Variants in ADAMTSL2 observed in about 807,000 individuals in gnomAD.
ADAMTSL2 encodes the protein ADAMTS-like protein 2.
Under a neutral mutation model 117.0 loss-of-function variants are expected in ADAMTSL2, and 55 were observed. The observed-to-expected ratio is 0.47, with a 90% confidence interval of 0.38 to 0.59. The LOEUF is 0.59. Ranked by LOEUF, ADAMTSL2 falls within the 20% of genes least tolerant of loss-of-function variation. The pLI is 0.00. For synonymous variants in ADAMTSL2, 572 were observed against 566.4 expected (o/e 1.01, Z -0.14); for missense variants, 1,182 against 1,354.5 (o/e 0.87, Z 2.00).
intron 3 of ADAMTSL2, among the ~76,000 whole-genome samples, chr9:133,537,762 C>A (rs376060316): frequency 6.6e-6 from 1 of 152,298 alleles, no homozygotes; most frequent in African/African-American, 2.4e-5. Flanking sequence ...CTTCAGGGCA[C>A]CAGGAAAGCC....
At chr9:133,551,452 G>A (rs1182994039) in intron 9 of ADAMTSL2, among the ~76,000 whole-genome samples, 3 of 152,132 alleles carry the variant, frequency 2.0e-5, no homozygotes. Flanking sequence ...ACCTTACAAT[G>A]GATTGCTGCT....
intron 1 of ADAMTSL2, among the ~76,000 whole-genome samples, chr9:133,535,360 C>T (rs1830026033): frequency 9.8e-6 from 1 of 101,980 alleles, no homozygotes; most frequent in Non-Finnish European, 1.9e-5. Context: ...AGATGGAGGT[C>T]TGCAGGGGAG....
chr9:133,574,633 C>G lies in ADAMTSL2; in HGVS notation c.2738-113C>G, dbSNP rs950239975. 178 of 861,162 alleles carry G rather than the reference C, an allele frequency of 2.1e-4. 1 individual carries two copies. The highest frequency in any genetic ancestry group is 1.4e-4 in the Admixed American group (8 of 59,020). The allele number at this position is 861,162 out of a possible 1,614,324, so 53.3% of individuals were successfully genotyped here. On this transcript the variant is annotated intron_variant, in intron 18 of 18. Coordinates refer to ENST00000651351, the MANE Select transcript of ADAMTSL2 (RefSeq NM_014694.4). ...CAGAGAGCTAGAGATGGAGACCCAC[C>G]ACGGGGTGGGAGGCCCACTGCCCCT...
chr9:133,538,238 TG>T, intron 3 of ADAMTSL2, 110 bp from the exon 4 acceptor site: 1 of 1,303,452 alleles, frequency 7.7e-7, no homozygotes, highest in Non-Finnish European at 1.1e-6. Context: ...AGGAGCCCTC[TG>T]GGTCACGGGT....
chr9:133,560,812 G>C (rs985777109), intron 11 of ADAMTSL2, among the ~76,000 whole-genome samples: 6 of 152,200 alleles, frequency 3.9e-5, no homozygotes, highest in South Asian at 2.1e-4. Context: ...TCCCCTCCCC[G>C]GTGGGAAGAA....
At chr9:133,544,054 T>C (rs11533161) in intron 7 of ADAMTSL2, among the ~76,000 whole-genome samples, 128,811 of 151,940 alleles carry the variant, frequency 0.85, 55,305 homozygotes, top group Non-Finnish European at 0.92. Flanking sequence ...GCCTTGAAAG[T>C]CAACGTGTTG....
At position 133,568,452 on chromosome 9, in the gene ADAMTSL2, G is replaced by T. The variant is rs1831027487; in HGVS notation, c.2054G>T (p.Cys685Phe). The change falls in exon 14 of 19, where the codon TGC becomes TTC. Residue 685 changes from cysteine (C) to phenylalanine (F), a missense_variant. Coordinates refer to ENST00000651351, the MANE Select transcript of ADAMTSL2 (RefSeq NM_014694.4). ...EERKTCRNPA[C>F]GPQWEMSEWS... ...CGCAAGACCTGCCGGAACCCCGCCTGCGGGCCCCAGTGGGAGATGTCGGAG... is the reference window on the plus strand; with the variant it reads ...CGCAAGACCTGCCGGAACCCCGCCTTCGGGCCCCAGTGGGAGATGTCGGAG... The T allele has an allele frequency of 6.2e-7, 1 of 1,607,846 alleles. No homozygotes were observed. The highest frequency in any genetic ancestry group is 8.5e-7 in the Non-Finnish European group (1 of 1,177,994).
At chr9:133,562,455 G>A (rs1367516539) in intron 12 of ADAMTSL2, among the ~76,000 whole-genome samples, 9 of 148,878 alleles carry the variant, frequency 6.0e-5, no homozygotes, top group East Asian at 5.9e-4. Context: ...GGCCAGGCTC[G>A]CACCGCCGTG....
In ADAMTSL2 at chr9:133,540,481, G is replaced by A; in HGVS notation, c.413-117G>A. On this transcript the variant is annotated intron_variant, in intron 5 of 18. Coordinates refer to ENST00000651351, the MANE Select transcript of ADAMTSL2 (RefSeq NM_014694.4). ...TGGACAGGTTCCTTCTGTTCTCCAG[G>A]CCTGAGTTGCCCCATCTATGCAATG... 3 of 1,392,076 alleles carry A rather than the reference G, an allele frequency of 2.2e-6. No individual in the cohort carries two copies. In the South Asian group the frequency reaches 3.7e-5, roughly 17 times the overall value. The allele number at this position is 1,392,076 out of a possible 1,614,324, so 86.2% of individuals were successfully genotyped here. A position where few individuals can be genotyped will look rare whatever the true frequency, so the allele number is the denominator to read the frequency against.
intron 7 of ADAMTSL2, among the ~76,000 whole-genome samples, chr9:133,543,312 T>C (rs895526514): frequency 2.0e-5 from 3 of 152,236 alleles, no homozygotes; most frequent in African/African-American, 7.2e-5. Context: ...AGGTTGGTAG[T>C]GCAAACAAAC....
chr9:133,573,200 G>A (rs111805074), intron 17 of ADAMTSL2, among the ~76,000 whole-genome samples: 11,863 of 152,306 alleles, frequency 0.078, 580 homozygotes, highest in South Asian at 0.17. Flanking sequence ...CACATTGGGG[G>A]GAGTGTGAGG....
intron 7 of ADAMTSL2, among the ~76,000 whole-genome samples, chr9:133,542,954 A>ATT (rs552526752): frequency 1.3e-5 from 2 of 148,790 alleles, no homozygotes; most frequent in Non-Finnish European, 3.0e-5. Flanking sequence ...GTCTATAACT[A>ATT]TTTTTTTTTT....
At chr9:133,573,792 C>A in intron 17 of ADAMTSL2, 51 bp from the exon 18 acceptor site, 1 of 1,612,086 alleles carries the variant, frequency 6.2e-7, no homozygotes, top group East Asian at 2.2e-5. Flanking sequence ...CTGCCCAGGC[C>A]CCTGCCCCAT....
In ADAMTSL2 at chr9:133,554,270, C is replaced by T; in HGVS notation, c.940-87C>T. 8.1e-7 allele frequency: 1 copy of T among 1,228,844 alleles called. No homozygotes were observed. The highest frequency in any genetic ancestry group is 1.4e-5 in the South Asian group (1 of 70,084). The allele number at this position is 1,228,844 out of a possible 1,614,324, so 76.1% of individuals were successfully genotyped here. On this transcript the variant is annotated intron_variant, in intron 9 of 18. Coordinates refer to ENST00000651351, the MANE Select transcript of ADAMTSL2 (RefSeq NM_014694.4). This position sits in a 1 kb window ranked among gnomAD's most constrained non-coding sequence, Gnocchi z 5.2. ...CAACTGCCAGTCACAGCAGGGAACG[C>T]ACCCTGCAGCTCTGTGGGAAGGGGA...
Position 133,568,267 on chromosome 9 carries a change from G to A in ADAMTSL2, c.1875-6G>A, listed in dbSNP as rs1439992920. ...GATCATTGAAGGCCATCCGCTCCCG[G>A]GGCAGGTGGGAGACGAGCAGCTGGA... On this transcript the variant is annotated splice_polypyrimidine_tract_variant and splice_region_variant and intron_variant, in intron 13 of 18. Transcript: ENST00000651351. 1.3e-6 allele frequency: 2 copies of A among 1,560,112 alleles called. No homozygotes were observed. The highest frequency in any genetic ancestry group is 1.7e-6 in the Non-Finnish European group (2 of 1,154,306).
intron 1 of ADAMTSL2, among the ~76,000 whole-genome samples, chr9:133,535,990 C>T (rs1352254425): frequency 6.6e-6 from 1 of 152,204 alleles, no homozygotes; most frequent in Non-Finnish European, 1.5e-5. Flanking sequence ...TGCTGACATG[C>T]TGGCACAAAC....
chr9:133,572,323 G>T (rs1455864254), intron 17 of ADAMTSL2, among the ~76,000 whole-genome samples: 1 of 152,208 alleles, frequency 6.6e-6, no homozygotes, highest in Admixed American at 6.5e-5. Context: ...TGGGCCTGGG[G>T]CTTCCCAGGG....
At chr9:133,547,290 T>G in intron 9 of ADAMTSL2, 77 bp downstream of exon 9, 3 of 1,471,754 alleles carry the variant, frequency 2.0e-6, no homozygotes, top group Non-Finnish European at 2.8e-6. Context: ...AGGTGAGGTC[T>G]TCCAGCCCGT....
chr9:133,550,792 C>G (rs1163381784), intron 9 of ADAMTSL2, among the ~76,000 whole-genome samples: 1 of 152,178 alleles, frequency 6.6e-6, no homozygotes, highest in Non-Finnish European at 1.5e-5. Flanking sequence ...GATTCATTCA[C>G]CCGTTGTGCC....
Sources: gnomAD v4.1 joint callset for allele counts (sites outside exome capture counted in the v4.1 genomes callset) on GRCh38, gnomAD v4.1.1 for gene constraint, Gnocchi (gnomAD v3.1) non-coding constraint, MANE v1.5 for transcripts, NCBI Gene and HGNC (gene_info 2026-07-23, HGNC 2026-07-21) for gene names.